The following IRAG1 variants were observed in gnomAD, a reference collection of about 807,000 sequenced individuals.
The protein encoded by IRAG1 is IP3R-associated cGMP kinase substrate.
IRAG1 carries 62 observed loss-of-function variants against 106.2 expected under a neutral mutation model. The ratio of observed to expected loss-of-function variants is 0.58; its 90% CI spans 0.48 to 0.72. The LOEUF (loss-of-function observed/expected upper bound fraction) is 0.72, where lower values mean the gene tolerates loss of function less well. Among genes scored for constraint, IRAG1 ranks in the 30% least tolerant of loss-of-function variants. IRAG1 has a pLI of 0.00. For synonymous variants in IRAG1, 462 were observed against 443.9 expected, an observed-to-expected ratio of 1.04 and a Z score of -0.51; for missense variants, 1,064 against 1,140.7, an observed-to-expected ratio of 0.93 and a Z score of 0.97.
At chr11:10,617,030 C>G (rs1276135474) in intron 10 of IRAG1, 2 of 984,586 alleles carry the variant, frequency 2.0e-6, no homozygotes, top group African/African-American at 3.5e-5. Context: ...TGGGGATAAA[C>G]TTTTTTTTAC....
intron 18 of IRAG1, among the ~76,000 whole-genome samples, chr11:10,590,889 G>A (rs1379877996): frequency 6.6e-6 from 1 of 152,160 alleles, no homozygotes; most frequent in African/African-American, 2.4e-5. Context: ...TTTATGGGAA[G>A]CTGACCCTCT....
chr11:10,681,280 C>T (rs920615264), intron 1 of IRAG1, among the ~76,000 whole-genome samples: 2 of 152,168 alleles, frequency 1.3e-5, no homozygotes, highest in African/African-American at 2.4e-5. Flanking sequence ...GCTGCCTGGA[C>T]CATCATTTCC....
chr11:10,636,633 G>C (rs1487400637), intron 2 of IRAG1, among the ~76,000 whole-genome samples: 6 of 152,164 alleles, frequency 3.9e-5, no homozygotes, highest in Admixed American at 3.9e-4. Context: ...AGACCCTAAA[G>C]GGCTCGCAGT....
chr11:10,653,334 A>G (rs1224521135), intron 1 of IRAG1, among the ~76,000 whole-genome samples: 5 of 152,220 alleles, frequency 3.3e-5, no homozygotes, highest in Non-Finnish European at 7.3e-5. Context: ...AGCTGGTTAC[A>G]TGAACAATTA....
At chr11:10,624,762 CTCAG>C (rs1197753358) in intron 9 of IRAG1, among the ~76,000 whole-genome samples, 2 of 152,146 alleles carry the variant, frequency 1.3e-5, no homozygotes, top group East Asian at 3.8e-4. Context: ...GGGCTGGGCA[CTCAG>C]GTGCCAGGGT....
intron 3 of IRAG1, among the ~76,000 whole-genome samples, chr11:10,633,640 C>G (rs1424870255): frequency 6.6e-6 from 1 of 152,146 alleles, no homozygotes; most frequent in African/African-American, 2.4e-5. Context: ...TAAAGGCTAG[C>G]CCTTTCCATG....
intron 13 of IRAG1, among the ~76,000 whole-genome samples, chr11:10,603,625 C>T (rs1349156439): frequency 3.3e-5 from 5 of 152,078 alleles, no homozygotes; most frequent in Admixed American, 6.5e-5. Context: ...CCAGGGGATG[C>T]GGACCACTGG....
intron 10 of IRAG1, 106 bp from the exon 11 acceptor site, chr11:10,609,957 TA>T (rs1854804980): frequency 9.2e-7 from 1 of 1,085,124 alleles, no homozygotes; most frequent in South Asian, 1.7e-5. Context: ...AGTTCTATGT[TA>T]AGGGCTTTTT....
chr11:10,646,763 G>C (rs1271357952), intron 2 of IRAG1, among the ~76,000 whole-genome samples: 1 of 152,182 alleles, frequency 6.6e-6, no homozygotes, highest in Non-Finnish European at 1.5e-5. Context: ...GAAACACAAA[G>C]TGGATGCTCG....
At chr11:10,594,358 G>A in intron 15 of IRAG1, 163 bp from the exon 16 acceptor site, 2 of 606,228 alleles carry the variant, frequency 3.3e-6, no homozygotes, top group Non-Finnish European at 5.8e-6. Context: ...TTCATCCTTT[G>A]AGATGGGGCT....
chr11:10,690,252 T>C (rs925062151), intron 1 of IRAG1: 24 of 425,714 alleles, frequency 5.6e-5, no homozygotes, highest in Non-Finnish European at 9.7e-5. Context: ...TAGCCAGGCA[T>C]GGTGGTACTC....
At chr11:10,614,366 T>C (rs576301505) in intron 10 of IRAG1, among the ~76,000 whole-genome samples, 2 of 152,286 alleles carry the variant, frequency 1.3e-5, no homozygotes, top group East Asian at 3.9e-4. Flanking sequence ...GCAAAAAAAC[T>C]ACCTCATAAT....
At chr11:10,643,465 T>A (rs1003954168) in intron 2 of IRAG1, among the ~76,000 whole-genome samples, 2 of 152,248 alleles carry the variant, frequency 1.3e-5, no homozygotes, top group Non-Finnish European at 2.9e-5. Context: ...AAAGAACAAC[T>A]GCCTTGTTCA....
Position 10,628,217 on chromosome 11 carries a change from T to TGA in IRAG1, c.653-194_653-193dup. On this transcript the variant is annotated intron_variant, in intron 6 of 20. Coordinates refer to ENST00000423302, the MANE Select transcript of IRAG1 (RefSeq NM_130385.4). The surrounding 1 kb of genome is among the most constrained non-coding windows in gnomAD (Gnocchi z 4.1). ...GTTCACAGAGACCACAGGAGGAAAC[T>TGA]GAGGCACAGGGAAATCAAAGTCTCA... 1.4e-6 allele frequency: 1 copy of TGA among 704,506 alleles called. No homozygotes were observed. Among genetic ancestry groups the TGA allele is most frequent in the Non-Finnish European group, 2.6e-6 (1 of 387,724 alleles). 43.6% of individuals were successfully genotyped at this position (704,506 alleles called of 1,614,324 possible).
intron 1 of IRAG1, among the ~76,000 whole-genome samples, chr11:10,683,676 G>A (rs1193965288): frequency 1.3e-5 from 2 of 152,122 alleles, no homozygotes; most frequent in African/African-American, 2.4e-5. Context: ...AGAGAGGCCT[G>A]GGCCTTTCCT....
At chr11:10,648,009 T>C (rs1377766307) in intron 2 of IRAG1, among the ~76,000 whole-genome samples, 3 of 152,202 alleles carry the variant, frequency 2.0e-5, no homozygotes, top group African/African-American at 7.2e-5. Flanking sequence ...AGGACAGAGC[T>C]GGCCAACCAG....
At chr11:10,690,920 G>A (rs1862006362) in intron 1 of IRAG1, among the ~76,000 whole-genome samples, 1 of 152,170 alleles carries the variant, frequency 6.6e-6, no homozygotes, top group African/African-American at 2.4e-5. Flanking sequence ...CTCCCCAAGG[G>A]GCAGGGGCAG....
chr11:10,638,075 G>A (rs144407846), intron 2 of IRAG1, among the ~76,000 whole-genome samples: 38 of 152,324 alleles, frequency 2.5e-4, no homozygotes, highest in African/African-American at 8.7e-4. Context: ...GTTTCTGGCA[G>A]GTGTGATCTC....
intron 1 of IRAG1, among the ~76,000 whole-genome samples, chr11:10,685,553 C>CA (rs925714928): frequency 5.3e-5 from 8 of 151,204 alleles, no homozygotes; most frequent in African/African-American, 1.5e-4. Context: ...GTCTCTAAAA[C>CA]AAAAAAACGT....
Sources: allele counts gnomAD v4.1 joint callset (sites outside exome capture counted in the v4.1 genomes callset), GRCh38; gene constraint gnomAD v4.1.1; non-coding constraint Gnocchi (gnomAD v3.1); transcripts MANE v1.5; gene names NCBI Gene and HGNC (gene_info 2026-07-23, HGNC 2026-07-21).